The following LRRC71 variants were observed in gnomAD, a reference collection of about 807,000 sequenced individuals.
LRRC71 encodes leucine rich repeat containing 71.
In LRRC71, 54 loss-of-function variants were observed where a neutral mutation model predicts 66.6. The observed-to-expected ratio is 0.81, with a 90% CI of 0.65 to 1.02. The LOEUF (loss-of-function observed/expected upper bound fraction) is 1.02, where lower values mean the gene tolerates loss of function less well. Among genes scored for constraint, LRRC71 ranks in the 50% least tolerant of loss-of-function variants. The pLI, the probability that LRRC71 is intolerant of heterozygous loss-of-function variation, is 0.00. For synonymous variants in LRRC71, 323 were observed against 303.9 expected (o/e 1.06, Z -0.65); for missense variants, 724 against 718.0 (o/e 1.01, Z -0.10).
At position 156,924,986 on chromosome 1, in the gene LRRC71, G is replaced by A. The variant is rs1182693162; in HGVS notation, c.564G>A (p.Glu188=). Residue 188 remains glutamate (E), a synonymous_variant, in exon 5 of 15, where the codon GAG becomes GAA. Coordinates refer to ENST00000337428, the MANE Select transcript of LRRC71 (RefSeq NM_144702.3). ...ATAAGACCCTGACCACCTTCATCGA[G>A]CTCCTGCCTCTCTGTTCATCCACGC... ...LTDKTLTTFI[E]LLPLCSSTLR... 8 of 1,551,678 alleles carry A rather than the reference G, an allele frequency of 5.2e-6. No homozygotes were observed. The highest frequency in any genetic ancestry group is 7.0e-6 in the Non-Finnish European group (8 of 1,146,992).
At chr1:156,929,775 G>A (rs1653995202) in intron 11 of LRRC71, 46 bp downstream of exon 11, 1 of 1,499,610 alleles carries the variant, frequency 6.7e-7, no homozygotes, top group Admixed American at 2.0e-5. Flanking sequence ...GTGGAGGAGG[G>A]AAGAGTGCCG....
At chr1:156,931,868 T>G (rs905529413) in intron 12 of LRRC71, 48 bp from the exon 13 acceptor site, 1 of 1,421,644 alleles carries the variant, frequency 7.0e-7, no homozygotes, top group Non-Finnish European at 9.7e-7. Context: ...AATGGCCTGT[T>G]GACCAGCTCC....
chr1:156,931,465 C>T (rs115820071), intron 12 of LRRC71, among the ~76,000 whole-genome samples: 2,021 of 152,256 alleles, frequency 0.013, 16 homozygotes, highest in Non-Finnish European at 0.021. Context: ...TTCATCATGC[C>T]GTCATTGTTA....
At chr1:156,926,001 A>G (rs1336295613) in intron 5 of LRRC71, among the ~76,000 whole-genome samples, 1 of 152,286 alleles carries the variant, frequency 6.6e-6, no homozygotes, top group Non-Finnish European at 1.5e-5. Flanking sequence ...TTTATGTGAC[A>G]GACGAGGCAG....
chr1:156,927,583 C>T lies in LRRC71; in HGVS notation c.750C>T (p.Cys250=), dbSNP rs145704101. ...AGGCGCTGTCCACGCTGCACAGCTG[C>T]AACCGGACCCTCGTCTCGCTCAACC... ...LGQALSTLHS[C]NRTLVSLNLG... The change falls in exon 7 of 15, where the codon TGC becomes TGT. Residue 250 remains cysteine, a synonymous_variant. Transcript: ENST00000337428. 3,261 of 1,597,876 alleles carry T rather than the reference C, an allele frequency of 2.0e-3. 3 individuals carry two copies. Among genetic ancestry groups the T allele is most frequent in the Non-Finnish European group, 2.4e-3 (2,858 of 1,171,914 alleles).
At position 156,927,192 on chromosome 1, in the gene LRRC71, C is replaced by T. The variant is rs1318167060; in HGVS notation, c.594-10C>T. 6.2e-7 allele frequency: 1 copy of T among 1,609,600 alleles called. No individual in the cohort carries two copies. Among genetic ancestry groups the T allele is most frequent in the Non-Finnish European group, 8.5e-7 (1 of 1,178,054 alleles). ...GTACCTTCTGGTTCTCAGATCTCCC[C>T]TGCCCTCAGGAAGGTGTCTCTGGAG... On this transcript the variant is annotated splice_polypyrimidine_tract_variant and intron_variant, in intron 5 of 14. Transcript: ENST00000337428.
At chr1:156,939,946 G>A in the LRRC71 span, 3 of 1,591,040 alleles carry the variant, frequency 1.9e-6, no homozygotes, top group East Asian at 2.2e-5. Flanking sequence ...TCCCAGCATG[G>A]GACTGCACAC....
intron 3 of LRRC71, 44 bp from the exon 4 acceptor site, chr1:156,924,599 G>A (rs1270820066): frequency 6.5e-7 from 1 of 1,548,172 alleles, no homozygotes; most frequent in East Asian, 2.5e-5. Flanking sequence ...CCGCTCCCCT[G>A]GAGCCTCCCA....
At chr1:156,923,099 G>A (rs1464264676) in intron 1 of LRRC71, among the ~76,000 whole-genome samples, 1 of 152,174 alleles carries the variant, frequency 6.6e-6, no homozygotes. Flanking sequence ...TCTGCATCCT[G>A]CCAGCTCCTC....
At position 156,929,639 on chromosome 1, in the gene LRRC71, T is replaced by C. The variant is rs756062427; in HGVS notation, c.1150T>C (p.Leu384=). ...LGKKKEKSWE[L]AKKEEKLGSG... is the part of the protein sequence containing the mutation. ...TCTCTTCTCACATTCTCCACAGGAATTGGCCAAGAAAGAGGAGAAGTTGGG... is the reference window on the plus strand; with the variant it reads ...TCTCTTCTCACATTCTCCACAGGAACTGGCCAAGAAAGAGGAGAAGTTGGG... Residue 384 remains leucine, a synonymous_variant, in exon 11 of 15, where the codon TTG becomes CTG. Transcript: ENST00000337428. 3.2e-6 allele frequency: 5 copies of C among 1,583,012 alleles called. No individual in the cohort carries two copies. Among genetic ancestry groups the C allele is most frequent in the African/African-American group, 1.4e-5 (1 of 74,070 alleles).
At chr1:156,931,782 G>C (rs1317118838) in intron 12 of LRRC71, 134 bp from the exon 13 acceptor site, 1 of 686,614 alleles carries the variant, frequency 1.5e-6, no homozygotes, top group Non-Finnish European at 2.4e-6. Flanking sequence ...ATTTATTTTT[G>C]TATCCCCAGC....
chr1:156,934,764 A>G (rs994261237), downstream of LRRC71: 2 of 151,742 alleles, frequency 1.3e-5, no homozygotes, highest in Non-Finnish European at 2.9e-5. Context: ...CCCACTATCC[A>G]ATCCTAACCA....
At position 156,929,722 on chromosome 1, in the gene LRRC71, C is replaced by A; in HGVS notation, c.1233C>A (p.Gly411=). ...TPKKEDATKA[G]KGKVTIPEQK... ...AGAAGGAAGATGCCACAAAGGCAGG[C>A]AAGGGGAGTAAGTGCGGGTGCCCCT... The change falls in exon 11 of 15, where the codon GGC becomes GGA. Residue 411 remains glycine (G), a synonymous_variant. Transcript: ENST00000337428. 6.4e-7 allele frequency: 1 copy of A among 1,564,462 alleles called. No individual in the cohort carries two copies. Among genetic ancestry groups the A allele is most frequent in the Non-Finnish European group, 8.7e-7 (1 of 1,154,698 alleles).
chr1:156,929,581 C>A lies in LRRC71; in HGVS notation c.1147-55C>A. The stretch of plus-strand genomic sequence containing the variant: ...CTAACCTGGGCTCCTTCCCTCACCA[C>A]TGCCCATCCCCTCCGGAGGTGGGAC... On this transcript the variant is annotated intron_variant, in intron 10 of 14. Coordinates refer to ENST00000337428, the MANE Select transcript of LRRC71 (RefSeq NM_144702.3). 3.9e-6 allele frequency: 6 copies of A among 1,542,890 alleles called. No individual in the cohort carries two copies. In the South Asian group the frequency reaches 7.3e-5, roughly 19 times the overall value.
chr1:156,931,048 T>C (rs1442957616), intron 12 of LRRC71, among the ~76,000 whole-genome samples: 2 of 152,190 alleles, frequency 1.3e-5, no homozygotes, highest in Non-Finnish European at 2.9e-5. Context: ...TTTATGGTCA[T>C]GGCACTGCCC....
rs758960750 is a variant in LRRC71 at position 156,932,429 on chromosome 1, C to T, written c.1447C>T (p.Arg483Cys). 5.0e-6 allele frequency: 8 copies of T among 1,612,722 alleles called. No homozygotes were observed. The highest frequency in any genetic ancestry group is 2.2e-5 in the East Asian group (1 of 44,866). Residue 483 changes from arginine (R) to cysteine (C), a missense_variant, in exon 14 of 15, where the codon CGC becomes TGC. Physicochemically the swap from Arg to Cys is radical, Grantham distance 180 (BLOSUM62 -3). Transcript: ENST00000337428. Reference sequence around the variant, plus strand: ...CTGTCTGTAACTTCCACCAGGGAACCGCATCACAGAGGTGGGGCTGGAGGG... The same window carrying T: ...CTGTCTGTAACTTCCACCAGGGAACTGCATCACAGAGGTGGGGCTGGAGGG... The part of the protein sequence containing the change: ...VLLHLNLIRN[R>C]ITEVGLEGFL...
chr1:156,930,551 GC>G lies in LRRC71; in HGVS notation c.1265del (p.Pro422GlnfsTer113). The G allele has an allele frequency of 6.4e-7, 1 of 1,567,032 alleles. No individual in the cohort carries two copies. Among genetic ancestry groups the G allele is most frequent in the Middle Eastern group, 1.7e-4 (1 of 6,022 alleles). On this transcript the variant is annotated frameshift_variant, in exon 12 of 15. Coordinates refer to ENST00000337428, the MANE Select transcript of LRRC71 (RefSeq NM_144702.3). LOFTEE classifies it high-confidence loss of function. The part of the protein sequence containing the change: ...KGKVTIPEQK[P>X]SRAKGIKIGS... The stretch of plus-strand genomic sequence containing the variant: ...CAGAGGTAACCATCCCTGAACAGAA[GC>G]CAAGCAGGGCAAAAGGGATCAAGAT...
chr1:156,940,609 G>C, the LRRC71 span, among the ~76,000 whole-genome samples: 1 of 152,170 alleles, frequency 6.6e-6, no homozygotes, highest in African/African-American at 2.4e-5. Flanking sequence ...AAAACAAAAA[G>C]ATCCCTGCCT....
At chr1:156,927,293 C>T (rs774037268) in intron 6 of LRRC71, 23 bp downstream of exon 6, 6 of 1,609,564 alleles carry the variant, frequency 3.7e-6, no homozygotes, top group Non-Finnish European at 5.1e-6. Flanking sequence ...GCCCTCACCC[C>T]CTTTCTCTGG....
Sources: gnomAD v4.1 joint callset for allele counts (sites outside exome capture counted in the v4.1 genomes callset) on GRCh38, gnomAD v4.1.1 for gene constraint, MANE v1.5 for transcripts, NCBI Gene and HGNC (gene_info 2026-07-23, HGNC 2026-07-21) for gene names.